Variants in FHIT observed in about 807,000 individuals in gnomAD.
FHIT encodes fragile histidine triad diadenosine triphosphatase, also known as bis(5'-adenosyl)-triphosphatase.
In FHIT, 19 loss-of-function variants were observed where a neutral mutation model predicts 17.9. The ratio of observed to expected loss-of-function variants is 1.06; its 90% CI spans 0.74 to 1.56. The LOEUF (loss-of-function observed/expected upper bound fraction) is 1.56. Among genes scored for constraint, FHIT ranks in the 40% most tolerant of loss-of-function variants. The probability of loss-of-function intolerance (pLI) is 0.00; values close to 1 mark genes in which losing one functional copy is unlikely to be tolerated. For missense variants in FHIT, 248 were observed against 189.2 expected (o/e 1.31, Z -1.82); for synonymous variants, 81 against 69.7 (o/e 1.16, Z -0.81).
intron 7 of FHIT, among the ~76,000 whole-genome samples, chr3:59,953,505 G>A (rs956445572): frequency 1.3e-5 from 2 of 152,098 alleles, no homozygotes; most frequent in South Asian, 4.1e-4. Context: ...CCACGCAGAC[G>A]CCTACCTTGG....
At chr3:60,984,415 A>G (rs1397587702) in intron 3 of FHIT, among the ~76,000 whole-genome samples, 1 of 152,188 alleles carries the variant, frequency 6.6e-6, no homozygotes, top group Non-Finnish European at 1.5e-5. Flanking sequence ...CAATACACCC[A>G]CCCAAATGTT....
intron 7 of FHIT, among the ~76,000 whole-genome samples, chr3:59,970,094 A>G (rs918144615): frequency 5.9e-5 from 9 of 152,052 alleles, no homozygotes; most frequent in Non-Finnish European, 8.8e-5. Context: ...CATAGTTCCC[A>G]GCTAACACTA....
chr3:60,396,500 CAGA>C (rs1701446677), intron 5 of FHIT, among the ~76,000 whole-genome samples: 1 of 152,204 alleles, frequency 6.6e-6, no homozygotes, highest in South Asian at 2.1e-4. Flanking sequence ...GGGAAATGAA[CAGA>C]AGATTAAATC....
At chr3:60,732,647 A>T in intron 4 of FHIT, 6 of 413,132 alleles carry the variant, frequency 1.5e-5, no homozygotes, top group East Asian at 5.6e-5. Flanking sequence ...GGCTGATAGT[A>T]GGGTGCTCCC....
intron 5 of FHIT, among the ~76,000 whole-genome samples, chr3:60,341,917 C>T (rs1290912883): frequency 6.6e-6 from 1 of 152,072 alleles, no homozygotes; most frequent in Non-Finnish European, 1.5e-5. Context: ...AAACGAGGTT[C>T]TTGTCACATG....
At chr3:60,668,696 G>T (rs2040440339) in intron 4 of FHIT, among the ~76,000 whole-genome samples, 1 of 151,646 alleles carries the variant, frequency 6.6e-6, no homozygotes, top group Non-Finnish European at 1.5e-5. Flanking sequence ...CAAGTAGCTG[G>T]GACTACAAGT....
rs73097557 is a variant in FHIT, at chr3:60,155,618, A to G, written c.104-141466T>C. On this transcript the variant is annotated intron_variant, in intron 5 of 9. Transcript: ENST00000492590. ...AGAGGGTCAGAAGCAAGGCTGGGCCATCAAATACCCCAATACTCAGCACAG... is the reference window on the plus strand; with the variant it reads ...AGAGGGTCAGAAGCAAGGCTGGGCCGTCAAATACCCCAATACTCAGCACAG... 2.8e-3 allele frequency among the ~76,000 whole-genome samples: 430 copies of G among 152,286 alleles called. 1 individual carries two copies. The highest frequency in any genetic ancestry group is 4.8e-3 in the Admixed American group (73 of 15,294).
chr3:60,630,952 A>C (rs1467045557), intron 4 of FHIT, among the ~76,000 whole-genome samples: 2 of 113,150 alleles, frequency 1.8e-5, no homozygotes, highest in South Asian at 7.8e-4. Context: ...AAAAAAAAAA[A>C]AAAACACACA....
intron 8 of FHIT, among the ~76,000 whole-genome samples, chr3:59,834,959 G>C (rs1701289292): frequency 6.6e-6 from 1 of 152,142 alleles, no homozygotes; most frequent in Admixed American, 6.5e-5. Context: ...AATATGTTGT[G>C]TTGGTGGTAA....
At chr3:60,016,200 T>C (rs1241677942) in intron 5 of FHIT, among the ~76,000 whole-genome samples, 1 of 152,264 alleles carries the variant, frequency 6.6e-6, no homozygotes, top group African/African-American at 2.4e-5. Flanking sequence ...TATATTGAAT[T>C]GAATAAATGT....
intron 5 of FHIT, among the ~76,000 whole-genome samples, chr3:60,210,985 T>C (rs1703423933): frequency 6.9e-6 from 1 of 144,380 alleles, no homozygotes; most frequent in African/African-American, 2.6e-5. Flanking sequence ...TAACAAGAGA[T>C]TGAAAATAAA....
intron 5 of FHIT, among the ~76,000 whole-genome samples, chr3:60,287,612 C>G (rs1222183506): frequency 2.6e-5 from 4 of 152,050 alleles, no homozygotes; most frequent in Non-Finnish European, 5.9e-5. Context: ...TTGTGATATG[C>G]TTTATTTTAT....
At chr3:61,205,005 T>A (rs970375360) in intron 1 of FHIT, among the ~76,000 whole-genome samples, 1 of 131,014 alleles carries the variant, frequency 7.6e-6, no homozygotes, top group African/African-American at 2.9e-5. Flanking sequence ...CAGTGTGTGA[T>A]GTTCTCCTTC....
intron 3 of FHIT, among the ~76,000 whole-genome samples, chr3:60,825,084 A>T (rs2106786823): frequency 6.6e-6 from 1 of 152,298 alleles, no homozygotes; most frequent in African/African-American, 2.4e-5. Context: ...AAAATAGCAT[A>T]TTATTCTAGT....
At chr3:60,929,190 G>C (rs368911960) in intron 3 of FHIT, among the ~76,000 whole-genome samples, 108 of 152,226 alleles carry the variant, frequency 7.1e-4, no homozygotes, top group African/African-American at 2.6e-3. Context: ...CTCAATAAAT[G>C]AGGTATTGAT....
intron 4 of FHIT, among the ~76,000 whole-genome samples, chr3:60,657,758 G>A (rs782433050): frequency 5.3e-5 from 8 of 151,892 alleles, no homozygotes; most frequent in Non-Finnish European, 7.4e-5. Flanking sequence ...CTTCAATATT[G>A]GATTACCCTC....
intron 8 of FHIT, among the ~76,000 whole-genome samples, chr3:59,792,107 CAA>C (rs1699589797): frequency 1.3e-5 from 2 of 151,778 alleles, no homozygotes; most frequent in African/African-American, 2.4e-5. Context: ...TATTCTGTGT[CAA>C]ATGGAATGAC....
chr3:60,666,272 A>C (rs1338969391), intron 4 of FHIT, among the ~76,000 whole-genome samples: 1 of 152,170 alleles, frequency 6.6e-6, no homozygotes. Context: ...CCAATCTTTA[A>C]GAGTAGGTCT....
intron 5 of FHIT, among the ~76,000 whole-genome samples, chr3:60,143,142 A>C (rs186877509): frequency 9.0e-4 from 137 of 152,306 alleles, no homozygotes; most frequent in African/African-American, 3.2e-3. Context: ...GAGGCCGAGA[A>C]CATAAGGAAC....
Sources: gnomAD v4.1 joint callset for allele counts (sites outside exome capture counted in the v4.1 genomes callset) on GRCh38, gnomAD v4.1.1 for gene constraint, MANE v1.5 for transcripts, NCBI Gene and HGNC (gene_info 2026-07-23, HGNC 2026-07-21) for gene names.